UNC13C: variants seen among roughly 807,000 people sequenced by gnomAD.
UNC13C encodes unc-13 homolog C, also known as protein unc-13 homolog C.
In UNC13C, 174 loss-of-function variants were observed where a neutral mutation model predicts 245.4. That is an observed-to-expected ratio of 0.71 (90% CI 0.63 to 0.80). The LOEUF (loss-of-function observed/expected upper bound fraction) is 0.80, where lower values mean the gene tolerates loss of function less well. Ranked by LOEUF, UNC13C falls within the 30% of genes least tolerant of loss-of-function variation. The probability of loss-of-function intolerance (pLI) is 0.00; values close to 1 mark genes in which losing one functional copy is unlikely to be tolerated. For missense variants in UNC13C, 2,829 were observed against 2,602.9 expected (o/e 1.09, Z -1.89); for synonymous variants, 992 against 895.1 (o/e 1.11, Z -1.93).
chr15:53,951,633 T>A, the UNC13C span, among the ~76,000 whole-genome samples: 1 of 152,204 alleles, frequency 6.6e-6, no homozygotes, highest in Non-Finnish European at 1.5e-5. Context: ...ACTTGCTTAA[T>A]CTAGCTAGTG....
chr15:54,550,989 A>G (rs1295792998), intron 28 of UNC13C, among the ~76,000 whole-genome samples: 2 of 152,182 alleles, frequency 1.3e-5, no homozygotes, highest in Non-Finnish European at 2.9e-5. Flanking sequence ...CAGTTTCCTG[A>G]GTTGAGTGTT....
intron 32 of UNC13C, among the ~76,000 whole-genome samples, chr15:54,624,610 T>G (rs1901020863): frequency 6.6e-6 from 1 of 152,122 alleles, no homozygotes; most frequent in Non-Finnish European, 1.5e-5. Flanking sequence ...TTGTTTGCTG[T>G]GTACAGAAAT....
Position 54,361,295 on chromosome 15 carries a change from A to G in UNC13C, c.4713+22806A>G, listed in dbSNP as rs186843686. Among the ~76,000 whole-genome samples the G allele has an allele frequency of 1.1e-4, 16 of 152,026 alleles. No homozygotes were observed. In the East Asian group the frequency reaches 2.3e-3, roughly 22 times the overall value. ...AGTTATTGTATTCTCTATTCATTGTATTCAGTATTCTTCAATTTTAAGATT... is the reference window on the plus strand; with the variant it reads ...AGTTATTGTATTCTCTATTCATTGTGTTCAGTATTCTTCAATTTTAAGATT... On this transcript the variant is annotated intron_variant, in intron 17 of 32. Transcript: ENST00000260323.
intron 14 of UNC13C, among the ~76,000 whole-genome samples, chr15:54,329,478 A>C (rs1040606809): frequency 6.6e-6 from 1 of 151,992 alleles, no homozygotes; most frequent in East Asian, 1.9e-4. Flanking sequence ...TTAATAAAAA[A>C]ACTGAATAAT....
At chr15:53,889,466 G>A in the UNC13C span, among the ~76,000 whole-genome samples, 3 of 152,170 alleles carry the variant, frequency 2.0e-5, no homozygotes, top group Admixed American at 1.3e-4. Flanking sequence ...AGACAATGGG[G>A]TTTTCTAAAT....
intron 1 of UNC13C, among the ~76,000 whole-genome samples, chr15:53,987,005 T>G (rs1894172643): frequency 6.6e-6 from 1 of 152,026 alleles, no homozygotes; most frequent in African/African-American, 2.4e-5. Flanking sequence ...TATTTACAGG[T>G]GAGGATACTA....
At chr15:54,255,774 C>A (rs1036269425) in intron 8 of UNC13C, among the ~76,000 whole-genome samples, 1 of 152,176 alleles carries the variant, frequency 6.6e-6, no homozygotes, top group Non-Finnish European at 1.5e-5. Flanking sequence ...AGCCAGAGAC[C>A]AAGCCCTTCC....
intron 4 of UNC13C, among the ~76,000 whole-genome samples, chr15:54,202,557 T>C (rs1159536671): frequency 6.6e-6 from 1 of 151,578 alleles, no homozygotes; most frequent in Non-Finnish European, 1.5e-5. Flanking sequence ...AACAAAAACA[T>C]AAAGTGAGGG....
intron 4 of UNC13C, among the ~76,000 whole-genome samples, chr15:54,177,364 C>T (rs1332864079): frequency 3.3e-5 from 5 of 152,078 alleles, no homozygotes; most frequent in African/African-American, 1.2e-4. Flanking sequence ...ATTTTTTAAA[C>T]ACACATACAC....
intron 4 of UNC13C, among the ~76,000 whole-genome samples, chr15:54,222,153 T>C (rs1203976014): frequency 6.6e-6 from 1 of 152,048 alleles, no homozygotes; most frequent in Non-Finnish European, 1.5e-5. Context: ...AATAAATTAT[T>C]GTTGACTGTA....
intron 19 of UNC13C, among the ~76,000 whole-genome samples, chr15:54,453,255 C>T (rs1337569217): frequency 6.6e-6 from 1 of 152,178 alleles, no homozygotes; most frequent in African/African-American, 2.4e-5. Context: ...TACCCTTTTC[C>T]TGCACTGTTG....
chr15:54,210,171 A>G (rs1211455355), intron 4 of UNC13C, among the ~76,000 whole-genome samples: 1 of 150,198 alleles, frequency 6.7e-6, no homozygotes, highest in Admixed American at 6.7e-5. Flanking sequence ...TGAAATAAAT[A>G]TTTATTATAT....
At chr15:54,552,311 A>G (rs915898969) in intron 28 of UNC13C, among the ~76,000 whole-genome samples, 2 of 126,740 alleles carry the variant, frequency 1.6e-5, no homozygotes, top group African/African-American at 5.9e-5. Flanking sequence ...TGTACAATAT[A>G]TAATGTAATA....
At chr15:53,952,908 ATT>A in the UNC13C span, among the ~76,000 whole-genome samples, 1 of 151,744 alleles carries the variant, frequency 6.6e-6, no homozygotes, top group African/African-American at 2.4e-5. Context: ...AGAGTGTCTA[ATT>A]TTTTTTTCCC....
chr15:53,957,522 A>T, the UNC13C span, among the ~76,000 whole-genome samples: 16,748 of 152,148 alleles, frequency 0.11, 1,252 homozygotes, highest in East Asian at 0.31. Flanking sequence ...TATAATTTTT[A>T]AAAAATCTCA....
intron 4 of UNC13C, among the ~76,000 whole-genome samples, chr15:54,198,298 C>T (rs1282521152): frequency 6.6e-6 from 1 of 152,128 alleles, no homozygotes; most frequent in African/African-American, 2.4e-5. Flanking sequence ...ACCTGAGAAA[C>T]CTGAATACTT....
rs117392625 is a variant in UNC13C, at chr15:54,187,994, T to G, written c.3071+44310T>G. On this transcript the variant is annotated intron_variant, in intron 4 of 32. Transcript: ENST00000260323. ...CACCATGCACGGATAATTTTTATAT[T>G]TTTTGTAGAGATGGAGTTTCATCAT... 6.0e-3 allele frequency among the ~76,000 whole-genome samples: 907 copies of G among 152,140 alleles called. 51 individuals carry two copies. The East Asian group carries it at 0.11, about 18-fold the overall frequency.
At chr15:54,089,660 C>CT (rs59965194) in intron 2 of UNC13C, among the ~76,000 whole-genome samples, 18,414 of 140,236 alleles carry the variant, frequency 0.13, 1,251 homozygotes, top group South Asian at 0.2. Context: ...CTTCCAATAT[C>CT]TTTTTTTTTT....
Position 54,491,656 on chromosome 15 carries a change from T to C in UNC13C, c.4934-2952T>C, listed in dbSNP as rs543927723. On this transcript the variant is annotated intron_variant, in intron 19 of 32. Coordinates refer to ENST00000260323, the MANE Select transcript of UNC13C (RefSeq NM_001080534.3). Reference sequence around the variant, plus strand: ...AATGTGGTGCCAAACAAACAATACCTTTCCTAAGTCACATGATATCTGCTT... The same window carrying C: ...AATGTGGTGCCAAACAAACAATACCCTTCCTAAGTCACATGATATCTGCTT... Among the ~76,000 whole-genome samples the C allele has an allele frequency of 1.3e-4, 20 of 152,266 alleles. 1 individual carries two copies. In the South Asian group the frequency reaches 4.1e-3, roughly 32 times the overall value.
Sources: gnomAD v4.1 joint callset for allele counts (sites outside exome capture counted in the v4.1 genomes callset) on GRCh38, gnomAD v4.1.1 for gene constraint, MANE v1.5 for transcripts, NCBI Gene and HGNC (gene_info 2026-07-23, HGNC 2026-07-21) for gene names.